ELMO1: variants seen among roughly 807,000 people sequenced by gnomAD.
ELMO1 encodes the protein engulfment and cell motility 1.
A neutral mutation model predicts 98.9 loss-of-function variants in ELMO1; 26 were observed. The observed-to-expected ratio is 0.26, with a 90% CI of 0.19 to 0.36. The LOEUF is 0.36. Ranked by LOEUF, ELMO1 falls within the 10% of genes least tolerant of loss-of-function variation. The pLI is 1.00. For synonymous variants in ELMO1, 346 were observed against 346.0 expected (o/e 1.00, Z 0.00); for missense variants, 627 against 935.2 (o/e 0.67, Z 4.30).
chr7:37,271,584 G>A (rs1796561044), intron 5 of ELMO1: 2 of 442,978 alleles, frequency 4.5e-6, no homozygotes, highest in Non-Finnish European at 4.0e-6. Context: ...ACGAATTTGT[G>A]AATTCAAAGC....
At chr7:37,297,125 T>C (rs1302942655) in intron 4 of ELMO1, among the ~76,000 whole-genome samples, 2 of 152,208 alleles carry the variant, frequency 1.3e-5, no homozygotes, top group African/African-American at 4.8e-5. Context: ...TGAGGCTCTC[T>C]CAAAATCAAC....
intron 6 of ELMO1, among the ~76,000 whole-genome samples, chr7:37,247,540 A>G (rs142756449): frequency 6.6e-6 from 1 of 152,304 alleles, no homozygotes; most frequent in African/African-American, 2.4e-5. Flanking sequence ...TTGTATAATC[A>G]ATTTTCACAT....
At chr7:37,176,764 A>G (rs1228200278) in intron 13 of ELMO1, among the ~76,000 whole-genome samples, 1 of 152,232 alleles carries the variant, frequency 6.6e-6, no homozygotes, top group Non-Finnish European at 1.5e-5. Context: ...AACATGGAAC[A>G]CATTTTCTTT....
chr7:36,898,873 C>A (rs1806259172), intron 16 of ELMO1, among the ~76,000 whole-genome samples: 1 of 152,226 alleles, frequency 6.6e-6, no homozygotes, highest in African/African-American at 2.4e-5. Flanking sequence ...TTGCCTCACC[C>A]AAGGGAAGAC....
intron 1 of ELMO1, among the ~76,000 whole-genome samples, chr7:37,419,959 T>A (rs1219680235): frequency 6.6e-6 from 1 of 152,228 alleles, no homozygotes; most frequent in African/African-American, 2.4e-5. Flanking sequence ...GCACAAAACA[T>A]CCTATCATCA....
chr7:36,935,223 T>C (rs896652292), intron 16 of ELMO1, among the ~76,000 whole-genome samples: 1 of 152,176 alleles, frequency 6.6e-6, no homozygotes, highest in African/African-American at 2.4e-5. Flanking sequence ...CCCCTTTTGC[T>C]TGGCTCTTAC....
chr7:37,426,142 CTTTTTTTTTTTTTTTTTTT>C (rs36086006), intron 1 of ELMO1, among the ~76,000 whole-genome samples: 2 of 84,582 alleles, frequency 2.4e-5, no homozygotes, highest in East Asian at 7.6e-4. Context: ...TTTTTTCTTT[CTTTTTTTTTTTTTTTTTTT>C]TTTTTTTACT....
intron 21 of ELMO1, among the ~76,000 whole-genome samples, chr7:36,861,345 G>A (rs1157299551): frequency 1.3e-5 from 2 of 152,088 alleles, no homozygotes; most frequent in Admixed American, 6.6e-5. Flanking sequence ...GACCAAAAAC[G>A]AAAAATTCAA....
At chr7:36,867,936 T>G (rs1803162386) in intron 20 of ELMO1, among the ~76,000 whole-genome samples, 1 of 152,190 alleles carries the variant, frequency 6.6e-6, no homozygotes, top group Non-Finnish European at 1.5e-5. Context: ...GTGGTCTATC[T>G]TGGTGAATGT....
Position 37,309,202 on chromosome 7 carries a change from C to A in ELMO1, c.192+5648G>T, listed in dbSNP as rs183342193. Among the ~76,000 whole-genome samples the A allele has an allele frequency of 9.2e-5, 14 of 152,268 alleles. No individual in the cohort carries two copies. The East Asian group carries it at 9.6e-4, about 10-fold the overall frequency. On this transcript the variant is annotated intron_variant, in intron 4 of 21. Coordinates refer to ENST00000310758, the MANE Select transcript of ELMO1 (RefSeq NM_014800.11). ...CAATCATGGTGGAAGGCGAAAGGCA[C>A]ATCTTACATGGCAGCAGACAAGAGA... is the stretch of plus-strand genomic sequence containing the variant.
intron 1 of ELMO1, chr7:37,351,067 G>A (rs1801243283): frequency 1.7e-5 from 2 of 115,812 alleles, no homozygotes; most frequent in Admixed American, 1.8e-4. Context: ...AAGCGTCAAA[G>A]AAGAGCCTGA....
intron 4 of ELMO1, among the ~76,000 whole-genome samples, chr7:37,309,323 C>A (rs758519018): frequency 7.2e-5 from 11 of 152,192 alleles, no homozygotes; most frequent in African/African-American, 2.7e-4. Flanking sequence ...GAGGAAACCT[C>A]CCCCTTGATT....
intron 13 of ELMO1, among the ~76,000 whole-genome samples, chr7:37,186,491 T>C (rs986647771): frequency 6.6e-6 from 1 of 152,124 alleles, no homozygotes; most frequent in Admixed American, 6.6e-5. Flanking sequence ...TTAAAAACTT[T>C]CACGCTTCAA....
At chr7:36,915,661 G>A (rs1167886619) in intron 16 of ELMO1, among the ~76,000 whole-genome samples, 1 of 152,160 alleles carries the variant, frequency 6.6e-6, no homozygotes, top group African/African-American at 2.4e-5. Context: ...CCTTTCTGAG[G>A]CAAAGTAAAA....
rs1394323582 is a variant in ELMO1 at position 37,342,154 on chromosome 7, TCTATA to T, written c.78+454_78+458del. Among the ~76,000 whole-genome samples, 1 of 152,220 alleles carries T rather than the reference TCTATA, an allele frequency of 6.6e-6. No individual in the cohort carries two copies. Among genetic ancestry groups the T allele is most frequent in the Non-Finnish European group, 1.5e-5 (1 of 68,030 alleles). ...TGGCTGAAATCCAAGACTGAACCCC[TCTATA>T]CTAATTTCATTACAAAGCTATTAAT... is the stretch of plus-strand genomic sequence containing the variant. On this transcript the variant is annotated intron_variant, in intron 2 of 21. Transcript: ENST00000310758. This position sits in a 1 kb window ranked among gnomAD's most constrained non-coding sequence, Gnocchi z 4.3.
At chr7:37,420,382 C>G (rs1804421852) in intron 1 of ELMO1, among the ~76,000 whole-genome samples, 1 of 152,224 alleles carries the variant, frequency 6.6e-6, no homozygotes, top group Non-Finnish European at 1.5e-5. Flanking sequence ...TTCCACTTGA[C>G]TAAGCCCTGC....
rs192804513 is a variant in ELMO1 at position 36,894,982 on chromosome 7, T to G, written c.1473A>C (p.Ala491=). 21 of 1,613,962 alleles carry G rather than the reference T, an allele frequency of 1.3e-5. No individual in the cohort carries two copies. Among genetic ancestry groups the G allele is most frequent in the Middle Eastern group, 1.7e-4 (1 of 5,942 alleles). Residue 491 remains alanine (A), a synonymous_variant, in exon 17 of 22, where the codon GCA becomes GCC. Transcript: ENST00000310758. ...MQVVKEQVMR[A]LTTKPSSLDQ... Reference sequence around the variant, plus strand: ...CCAGGGAGCTAGGCTTGGTTGTAAGTGCTCTCATAACCTGCTCCTTCACCA... The same window carrying G: ...CCAGGGAGCTAGGCTTGGTTGTAAGGGCTCTCATAACCTGCTCCTTCACCA...
At chr7:37,081,201 CT>C (rs1188076869) in intron 15 of ELMO1, among the ~76,000 whole-genome samples, 3 of 152,096 alleles carry the variant, frequency 2.0e-5, no homozygotes, top group Admixed American at 1.3e-4. Flanking sequence ...ATATAAATAC[CT>C]GTCAATGGGA....
At chr7:36,999,180 G>T (rs1245627489) in intron 16 of ELMO1, among the ~76,000 whole-genome samples, 2 of 152,176 alleles carry the variant, frequency 1.3e-5, no homozygotes, top group Non-Finnish European at 1.5e-5. Context: ...GTCACAGGCA[G>T]AGCTGGACTA....
Sources: allele counts gnomAD v4.1 joint callset (sites outside exome capture counted in the v4.1 genomes callset), GRCh38; gene constraint gnomAD v4.1.1; non-coding constraint Gnocchi (gnomAD v3.1); transcripts MANE v1.5; gene names NCBI Gene and HGNC (gene_info 2026-07-23, HGNC 2026-07-21).